NMD3: variants seen among roughly 807,000 people sequenced by gnomAD.
NMD3 encodes the protein 60S ribosomal export protein NMD3.
In NMD3, 47 loss-of-function variants were observed where a neutral mutation model predicts 73.1. The ratio of observed to expected loss-of-function variants is 0.64; its 90% CI spans 0.51 to 0.82. The LOEUF (loss-of-function observed/expected upper bound fraction) is 0.82. NMD3 is among the 40% of genes least tolerant of loss of function. The probability of loss-of-function intolerance (pLI) is 0.00; values close to 1 mark genes in which losing one functional copy is unlikely to be tolerated. For missense variants in NMD3, 554 were observed against 612.5 expected, an observed-to-expected ratio of 0.90 and a Z score of 1.01; for synonymous variants, 210 against 194.5, an observed-to-expected ratio of 1.08 and a Z score of -0.66.
chr3:161,225,858 A>G (rs899125977), intron 3 of NMD3, among the ~76,000 whole-genome samples: 2 of 151,890 alleles, frequency 1.3e-5, no homozygotes, highest in Non-Finnish European at 2.9e-5. Context: ...AAAAATATAT[A>G]TGTGTGTGTG....
intron 10 of NMD3, among the ~76,000 whole-genome samples, chr3:161,241,654 C>T (rs944475755): frequency 1.3e-5 from 2 of 152,004 alleles, no homozygotes; most frequent in African/African-American, 2.4e-5. Flanking sequence ...CTCCTGACCT[C>T]GTGATCTGCC....
In NMD3 at chr3:161,251,118, A is replaced by C. The variant is rs1332264922; in HGVS notation, c.*208A>C. 5 of 394,804 alleles carry C rather than the reference A, an allele frequency of 1.3e-5. No individual in the cohort carries two copies. Among genetic ancestry groups the C allele is most frequent in the Non-Finnish European group, 2.3e-5 (5 of 218,806 alleles). 24.5% of individuals were successfully genotyped at this position (394,804 alleles called of 1,614,324 possible). ...GATAAGGAAAGATTATGGAGAATGT[A>C]GTTGTTATTGATTTTTGGCAATTTT... On this transcript the variant is annotated 3_prime_UTR_variant, in exon 16 of 16. Transcript: ENST00000351193.
intron 4 of NMD3, 123 bp from the exon 5 acceptor site, chr3:161,233,276 A>G (rs1335310481): frequency 1.0e-5 from 6 of 600,128 alleles, no homozygotes; most frequent in Non-Finnish European, 1.2e-5. Context: ...GATGGTGTGT[A>G]GTATGCTGAT....
chr3:161,244,242 G>T (rs537481948), intron 11 of NMD3, among the ~76,000 whole-genome samples: 1 of 152,084 alleles, frequency 6.6e-6, no homozygotes, highest in Non-Finnish European at 1.5e-5. Flanking sequence ...TGATCCTCCT[G>T]CCTCAGCCTC....
chr3:161,227,140 G>A, intron 3 of NMD3, 107 bp from the exon 4 acceptor site: 2 of 629,850 alleles, frequency 3.2e-6, no homozygotes, highest in Non-Finnish European at 2.8e-6. Context: ...TCATCCTTGG[G>A]TTTTATTATG....
At chr3:161,245,135 G>A (rs1202655614) in intron 11 of NMD3, among the ~76,000 whole-genome samples, 2 of 140,252 alleles carry the variant, frequency 1.4e-5, no homozygotes, top group African/African-American at 5.1e-5. Flanking sequence ...AGACTCCCAG[G>A]GTACCCTTGT....
At chr3:161,222,755 T>C (rs888645167) in intron 2 of NMD3, among the ~76,000 whole-genome samples, 2 of 152,206 alleles carry the variant, frequency 1.3e-5, no homozygotes, top group African/African-American at 4.8e-5. Context: ...ATTGTAGTCC[T>C]TCTGTCTAGA....
rs1157389208 is a variant in NMD3, at chr3:161,251,927, C to G, written c.*1017C>G. ...AAGATCCAATTTCTATAAGCAAGAT[C>G]AGACTTGTTAAGTATGCCGCAAGTA... On this transcript the variant is annotated 3_prime_UTR_variant, in exon 16 of 16. Transcript: ENST00000351193. The G allele has an allele frequency of 1.3e-5, 2 of 152,180 alleles. No individual in the cohort carries two copies. Among genetic ancestry groups the G allele is most frequent in the Admixed American group, 1.3e-4 (2 of 15,278 alleles). 9.4% of individuals were successfully genotyped at this position (152,180 alleles called of 1,614,324 possible).
rs185366372 is a variant in NMD3 at position 161,232,808 on chromosome 3, T to A, written c.277-591T>A. 2.5e-4 allele frequency among the ~76,000 whole-genome samples: 38 copies of A among 152,296 alleles called. No individual in the cohort carries two copies. The East Asian group carries it at 7.1e-3, about 29-fold the overall frequency. On this transcript the variant is annotated intron_variant, in intron 4 of 15. Transcript: ENST00000351193. ...ATTACAGCAGCCTCCATTCTTGTTCTCCCACCCACCCCTTCTCCCCAAACA... is the reference window on the plus strand; with the variant it reads ...ATTACAGCAGCCTCCATTCTTGTTCACCCACCCACCCCTTCTCCCCAAACA...
chr3:161,241,219 T>C, intron 10 of NMD3, 56 bp downstream of exon 10: 1 of 990,652 alleles, frequency 1.0e-6, no homozygotes, highest in Non-Finnish European at 1.6e-6. Flanking sequence ...CAAACAATAA[T>C]AATTTGTGTT....
rs1174686725 is a variant in NMD3, at chr3:161,251,419, TGGAC to T, written c.*510_*513del. 2 of 152,170 alleles carry T rather than the reference TGGAC, an allele frequency of 1.3e-5. No homozygotes were observed. The highest frequency in any genetic ancestry group is 4.8e-5 in the African/African-American group (2 of 41,448). 9.4% of individuals were successfully genotyped at this position (152,170 alleles called of 1,614,324 possible). On this transcript the variant is annotated 3_prime_UTR_variant, in exon 16 of 16. Transcript: ENST00000351193. Reference sequence around the variant, plus strand: ...GGGAAATTAGGGTTCAGTTTATCACTGGACATTCAGGAGGCAAGTCAATCTTTTT... The same window carrying T: ...GGGAAATTAGGGTTCAGTTTATCACTATTCAGGAGGCAAGTCAATCTTTTT...
At chr3:161,231,110 A>C (rs1736526846) in intron 4 of NMD3, among the ~76,000 whole-genome samples, 1 of 152,238 alleles carries the variant, frequency 6.6e-6, no homozygotes, top group African/African-American at 2.4e-5. Context: ...CTAGTGGCTA[A>C]GGTGAAATAA....
intron 3 of NMD3, among the ~76,000 whole-genome samples, chr3:161,226,413 CTCCATCCTGGG>C (rs1314120770): frequency 6.6e-6 from 1 of 151,966 alleles, no homozygotes; most frequent in Non-Finnish European, 1.5e-5. Context: ...ATACACTGCA[CTCCATCCTGGG>C]GGATGGAGCG....
chr3:161,241,186 C>A, intron 10 of NMD3, 23 bp downstream of exon 10: 2 of 1,396,490 alleles, frequency 1.4e-6, no homozygotes, highest in Non-Finnish European at 2.0e-6. Flanking sequence ...AATGATTTGC[C>A]TTGACAATTT....
chr3:161,250,371 T>C, intron 15 of NMD3, 45 bp downstream of exon 15: 5 of 1,108,338 alleles, frequency 4.5e-6, no homozygotes, highest in Non-Finnish European at 6.7e-6. Context: ...TGTATATAAG[T>C]ATAGTTCCTA....
At chr3:161,241,513 C>G (rs1736984929) in intron 10 of NMD3, among the ~76,000 whole-genome samples, 1 of 151,584 alleles carries the variant, frequency 6.6e-6, no homozygotes, top group African/African-American at 2.4e-5. Flanking sequence ...CTCCGCCTCC[C>G]AGGTTCAAGC....
rs761923174 is a variant in NMD3, at chr3:161,252,011, TG to T, written c.*1102del. ...AATAAAGAGATTGAGCAAGTGCCAC[TG>T]TGTGGAACATTTTTCTTTTTTTTAA... is the stretch of plus-strand genomic sequence containing the variant. On this transcript the variant is annotated 3_prime_UTR_variant, in exon 16 of 16. Transcript: ENST00000351193. 15 of 152,232 alleles carry T rather than the reference TG, an allele frequency of 9.9e-5. No homozygotes were observed. Among genetic ancestry groups the T allele is most frequent in the Non-Finnish European group, 1.6e-4 (11 of 68,038 alleles). 9.4% of individuals were successfully genotyped at this position (152,232 alleles called of 1,614,324 possible).
At position 161,250,901 on chromosome 3, in the gene NMD3, G is replaced by A. The variant is rs1560077131; in HGVS notation, c.1503G>A (p.Met501Ile). 6.2e-7 allele frequency: 1 copy of A among 1,611,704 alleles called. No individual in the cohort carries two copies. The highest frequency in any genetic ancestry group is 1.1e-5 in the South Asian group (1 of 90,930). The change falls in exon 16 of 16, where the codon ATG becomes ATA. Residue 501 changes from methionine to isoleucine, a missense_variant. By Grantham distance (10) the Met-to-Ile change is conservative. Transcript: ENST00000351193. Reference protein sequence around the residue: ...QDATGEEGASMLT With the variant: ...QDATGEEGASILT ...CCACTGGTGAAGAAGGTGCATCAAT[G>A]CTGACATAATGAGATGTTGTAGACT...
chr3:161,228,048 A>G (rs1736392162), intron 4 of NMD3, among the ~76,000 whole-genome samples: 1 of 151,192 alleles, frequency 6.6e-6, no homozygotes, highest in Admixed American at 6.6e-5. Context: ...ACTGAAAGTC[A>G]GTGCATAAAT....
Sources: gnomAD v4.1 joint callset for allele counts (sites outside exome capture counted in the v4.1 genomes callset) on GRCh38, gnomAD v4.1.1 for gene constraint, MANE v1.5 for transcripts, NCBI Gene and HGNC (gene_info 2026-07-23, HGNC 2026-07-21) for gene names.